Variants in LRRC52 observed in about 807,000 individuals in gnomAD.
LRRC52 encodes leucine-rich repeat-containing protein 52.
Under a neutral mutation model 14.7 loss-of-function variants are expected in LRRC52, and 15 were observed. That is an observed-to-expected ratio of 1.02 (90% CI 0.68 to 1.58). The LOEUF is 1.58. LRRC52 is among the 40% of genes most tolerant of loss of function. The pLI, the probability that LRRC52 is intolerant of heterozygous loss-of-function variation, is 0.00. For synonymous variants in LRRC52, 180 were observed against 163.9 expected (o/e 1.10, Z -0.75); for missense variants, 400 against 387.7 (o/e 1.03, Z -0.27).
At chr1:165,555,870 C>T (rs1661223791) in intron 1 of LRRC52, among the ~76,000 whole-genome samples, 2 of 152,260 alleles carry the variant, frequency 1.3e-5, no homozygotes, top group Non-Finnish European at 1.5e-5. Context: ...CAACTGTCTG[C>T]TCTCTGGATT....
At position 165,563,857 on chromosome 1, in the gene LRRC52, C is replaced by G. The variant is rs199604137; in HGVS notation, c.*33C>G. 12 of 1,592,012 alleles carry G rather than the reference C, an allele frequency of 7.5e-6. No homozygotes were observed. The East Asian group carries it at 1.8e-4, about 24-fold the overall frequency. The stretch of plus-strand genomic sequence containing the variant: ...AGACCACTATCTTATGTGCCTCCCC[C>G]AGGCTCCCTGCTTTCTCTCTTGCCC... On this transcript the variant is annotated 3_prime_UTR_variant, in exon 2 of 2. Coordinates refer to ENST00000294818, the MANE Select transcript of LRRC52 (RefSeq NM_001005214.4).
Position 165,544,027 on chromosome 1 carries a change from G to T in LRRC52, c.-270G>T. The T allele has an allele frequency of 1.9e-6, 1 of 516,116 alleles. No homozygotes were observed. 32.0% of individuals were successfully genotyped at this position (516,116 alleles called of 1,614,324 possible). ...CCTTCACTTGCAAACGCAGGGAAAG[G>T]GTGAGACCTTTCAAAGCTGCCAAGT... On this transcript the variant is annotated 5_prime_UTR_variant, in exon 1 of 2. Coordinates refer to ENST00000294818, the MANE Select transcript of LRRC52 (RefSeq NM_001005214.4).
In LRRC52 at chr1:165,561,290, A is replaced by T. The variant is rs140783202; in HGVS notation, c.623-2215A>T. Among the ~76,000 whole-genome samples, 40 of 152,328 alleles carry T rather than the reference A, an allele frequency of 2.6e-4. No individual in the cohort carries two copies. The East Asian group carries it at 7.7e-3, about 29-fold the overall frequency. On this transcript the variant is annotated intron_variant, in intron 1 of 1. Transcript: ENST00000294818. The stretch of plus-strand genomic sequence containing the variant: ...TGCAATTTGAAAGCCCAATCTTTTT[A>T]AAAATAGAATGAGATAAACCCCCCT...
chr1:165,559,282 A>C (rs925264417), intron 1 of LRRC52, among the ~76,000 whole-genome samples: 6 of 152,084 alleles, frequency 3.9e-5, no homozygotes, highest in African/African-American at 1.4e-4. Context: ...TCAGCTACTC[A>C]GGAGGCTGAG....
At chr1:165,560,030 C>A (rs902690815) in intron 1 of LRRC52, among the ~76,000 whole-genome samples, 5 of 152,162 alleles carry the variant, frequency 3.3e-5, no homozygotes, top group African/African-American at 1.2e-4. Flanking sequence ...ACCAGTCCAC[C>A]TAATATGCAC....
intron 1 of LRRC52, among the ~76,000 whole-genome samples, chr1:165,557,921 G>A (rs959338943): frequency 2.0e-4 from 30 of 152,268 alleles, no homozygotes; most frequent in African/African-American, 3.8e-4. Flanking sequence ...ACAGGGGCTC[G>A]AGCAACCTGC....
chr1:165,552,551 ACAGTATGG>A (rs1661154270), intron 1 of LRRC52, among the ~76,000 whole-genome samples: 1 of 152,192 alleles, frequency 6.6e-6, no homozygotes, highest in Admixed American at 6.5e-5. Context: ...TTCAAGCCAG[ACAGTATGG>A]CAGCCTATGG....
chr1:165,545,595 CAG>C (rs1661004912), intron 1 of LRRC52, among the ~76,000 whole-genome samples: 1 of 100,788 alleles, frequency 9.9e-6, no homozygotes, highest in South Asian at 4.2e-4. Context: ...CTGTGTCAAG[CAG>C]AGAGATTCTA....
intron 1 of LRRC52, among the ~76,000 whole-genome samples, chr1:165,559,693 C>T (rs528024609): frequency 6.6e-6 from 1 of 152,288 alleles, no homozygotes; most frequent in African/African-American, 2.4e-5. Flanking sequence ...AAAGCCAACT[C>T]TACCATAGGC....
chr1:165,555,218 AG>A (rs1661208008), intron 1 of LRRC52, among the ~76,000 whole-genome samples: 1 of 152,130 alleles, frequency 6.6e-6, no homozygotes, highest in Non-Finnish European at 1.5e-5. Context: ...ATTGAGAACA[AG>A]GCAGATACTT....
At chr1:165,559,217 C>T (rs948197624) in intron 1 of LRRC52, among the ~76,000 whole-genome samples, 10 of 151,676 alleles carry the variant, frequency 6.6e-5, no homozygotes, top group African/African-American at 2.0e-4. Context: ...GGTGAAATCC[C>T]ATCTCTACTA....
chr1:165,557,097 C>T (rs1296267958), intron 1 of LRRC52, among the ~76,000 whole-genome samples: 1 of 152,214 alleles, frequency 6.6e-6, no homozygotes, highest in Non-Finnish European at 1.5e-5. Flanking sequence ...AAAAGGGTCT[C>T]TGCTCTCAAA....
chr1:165,549,579 A>T (rs1156420334), intron 1 of LRRC52, among the ~76,000 whole-genome samples: 7 of 152,216 alleles, frequency 4.6e-5, no homozygotes, highest in African/African-American at 1.4e-4. Context: ...CTCATATCAG[A>T]AGGAGGAGTT....
At chr1:165,553,848 C>CA (rs1036951292) in intron 1 of LRRC52, among the ~76,000 whole-genome samples, 9 of 151,938 alleles carry the variant, frequency 5.9e-5, no homozygotes, top group African/African-American at 1.9e-4. Context: ...AGGTGAAAGA[C>CA]AAAAAATGAC....
chr1:165,545,435 T>C (rs1381845738), intron 1 of LRRC52, among the ~76,000 whole-genome samples: 1 of 151,972 alleles, frequency 6.6e-6, no homozygotes, highest in Non-Finnish European at 1.5e-5. Flanking sequence ...AACATAAAGA[T>C]GGAAGGAGGG....
Position 165,544,459 on chromosome 1 carries a change from A to T in LRRC52, c.163A>T (p.Thr55Ser). The T allele has an allele frequency of 6.2e-7, 1 of 1,614,002 alleles. No individual in the cohort carries two copies. The highest frequency in any genetic ancestry group is 8.5e-7 in the Non-Finnish European group (1 of 1,179,988). The change falls in exon 1 of 2, where the codon ACC (threonine) becomes TCC (serine). Residue 55 changes from threonine to serine, a missense_variant. Physicochemically the swap from Thr to Ser is moderately conservative, Grantham distance 58. Transcript: ENST00000294818. ...ATACCCCCTTGACATACCCCTGAAC[A>T]CCCGGAGGCTGTTCCTGAACGAGAA... ...TEYPLDIPLN[T>S]RRLFLNENRI...
intron 1 of LRRC52, among the ~76,000 whole-genome samples, chr1:165,545,313 ATTCT>A (rs1660998024): frequency 6.6e-6 from 1 of 152,202 alleles, no homozygotes; most frequent in Non-Finnish European, 1.5e-5. Context: ...GGGACACTGT[ATTCT>A]GTTGGTAAAC....
intron 1 of LRRC52, among the ~76,000 whole-genome samples, chr1:165,545,310 T>G (rs1660997886): frequency 6.6e-6 from 1 of 152,206 alleles, no homozygotes; most frequent in Non-Finnish European, 1.5e-5. Flanking sequence ...ATAGGGACAC[T>G]GTATTCTGTT....
At chr1:165,548,769 T>C (rs1427570664) in intron 1 of LRRC52, among the ~76,000 whole-genome samples, 1 of 152,058 alleles carries the variant, frequency 6.6e-6, no homozygotes, top group African/African-American at 2.4e-5. Context: ...AATGAGAACA[T>C]TTATGAAGTA....
Sources: allele counts gnomAD v4.1 joint callset (sites outside exome capture counted in the v4.1 genomes callset), GRCh38; gene constraint gnomAD v4.1.1; transcripts MANE v1.5; gene names NCBI Gene and HGNC (gene_info 2026-07-23, HGNC 2026-07-21).